The following ASPH variants were observed in gnomAD, a reference collection of about 807,000 sequenced individuals.
ASPH encodes aspartyl/asparaginyl beta-hydroxylase.
ASPH carries 100 observed loss-of-function variants against 118.4 expected under a neutral mutation model. The ratio of observed to expected loss-of-function variants is 0.84; its 90% CI spans 0.72 to 1.00. The LOEUF (loss-of-function observed/expected upper bound fraction) is 1.00. Ranked by LOEUF, ASPH falls within the 50% of genes least tolerant of loss-of-function variation. The pLI is 0.00. For missense variants in ASPH, 920 were observed against 919.5 expected (o/e 1.00, Z -0.01); for synonymous variants, 315 against 325.6 (o/e 0.97, Z 0.35).
chr8:61,681,030 AG>A lies in ASPH; in HGVS notation c.259del (p.Leu87Ter). On this transcript the variant is annotated frameshift_variant, in exon 3 of 25. Coordinates refer to ENST00000379454, the MANE Select transcript of ASPH (RefSeq NM_004318.4). LOFTEE classifies it high-confidence loss of function. ...ATCACCATCAGCATCATAGATTCCT[AG>A]TTTTCCTATAATAGGGCAGAAATGA... ...LVDYEEVLGKLGIYDADGDGD... is the reference protein window; with the variant it reads ...LVDYEEVLGKXGIYDADGDGD... 1 of 1,597,254 alleles carries A rather than the reference AG, an allele frequency of 6.3e-7. No homozygotes were observed. Among genetic ancestry groups the A allele is most frequent in the Non-Finnish European group, 8.5e-7 (1 of 1,171,842 alleles).
Position 61,559,946 on chromosome 8 carries a change from G to A in ASPH, c.1437+2798C>T, listed in dbSNP as rs36005193. Among the ~76,000 whole-genome samples, 76 of 152,180 alleles carry A rather than the reference G, an allele frequency of 5.0e-4. No homozygotes were observed. The East Asian group carries it at 0.011, about 23-fold the overall frequency. On this transcript the variant is annotated intron_variant, in intron 18 of 24. Transcript: ENST00000379454. Reference sequence around the variant, plus strand: ...GTTTTAGTGTTGGTGAGGGTTGGGGGGGGGAGCAAGCTAGGACAGGATAAA... The same window carrying A: ...GTTTTAGTGTTGGTGAGGGTTGGGGAGGGGAGCAAGCTAGGACAGGATAAA...
At chr8:61,609,024 G>A (rs1019766192) in intron 14 of ASPH, among the ~76,000 whole-genome samples, 9 of 152,104 alleles carry the variant, frequency 5.9e-5, no homozygotes, top group East Asian at 5.8e-4. Context: ...TTAATTATCC[G>A]TACATTAGCT....
chr8:61,568,151 T>C (rs1563850391), intron 16 of ASPH, among the ~76,000 whole-genome samples: 1 of 152,072 alleles, frequency 6.6e-6, no homozygotes, highest in African/African-American at 2.4e-5. Flanking sequence ...ATGGGGGCTT[T>C]TGAAATGATC....
intron 1 of ASPH, among the ~76,000 whole-genome samples, chr8:61,700,233 G>C (rs1834913842): frequency 6.6e-6 from 1 of 152,188 alleles, no homozygotes; most frequent in South Asian, 2.1e-4. Flanking sequence ...AACCATGCCA[G>C]TCAATCTTAT....
chr8:61,570,516 T>G (rs1370180345), intron 16 of ASPH, among the ~76,000 whole-genome samples: 4 of 152,186 alleles, frequency 2.6e-5, no homozygotes. Context: ...GGGAGAGAGA[T>G]AGTATAATCT....
At chr8:61,543,777 G>A (rs1469668867) in intron 21 of ASPH, among the ~76,000 whole-genome samples, 1 of 152,118 alleles carries the variant, frequency 6.6e-6, no homozygotes, top group East Asian at 1.9e-4. Context: ...CATAAAATTC[G>A]TTGTTGTTCA....
At chr8:61,673,897 T>C (rs1186245969) in intron 3 of ASPH, among the ~76,000 whole-genome samples, 1 of 152,110 alleles carries the variant, frequency 6.6e-6, no homozygotes. Context: ...GCTACCTGGG[T>C]GTCACCTTCA....
At chr8:61,594,021 A>G (rs1460439689) in intron 14 of ASPH, among the ~76,000 whole-genome samples, 1 of 152,228 alleles carries the variant, frequency 6.6e-6, no homozygotes, top group Non-Finnish European at 1.5e-5. Flanking sequence ...ATACAAGCTG[A>G]CAGACTGAAA....
In ASPH at chr8:61,583,942, A is replaced by C; in HGVS notation, c.1062+2T>G. 6.4e-7 allele frequency: 1 copy of C among 1,565,446 alleles called. No homozygotes were observed. Among genetic ancestry groups the C allele is most frequent in the Non-Finnish European group, 8.7e-7 (1 of 1,149,984 alleles). ...ACCATTGCACAAAAAATATCAACCTACCCTTTTACGGAGTTTTTCTGCAGC... is the reference window on the plus strand; with the variant it reads ...ACCATTGCACAAAAAATATCAACCTCCCCTTTTACGGAGTTTTTCTGCAGC... On this transcript the variant is annotated splice_donor_variant, in intron 15 of 24. Transcript: ENST00000379454. LOFTEE classifies it high-confidence loss of function.
At chr8:61,530,870 T>C (rs959154352) in intron 21 of ASPH, among the ~76,000 whole-genome samples, 7 of 152,238 alleles carry the variant, frequency 4.6e-5, no homozygotes, top group East Asian at 3.8e-4. Context: ...GCCTGTTATA[T>C]TGCTATTCTT....
At chr8:61,643,149 A>G (rs535245669) in intron 9 of ASPH, among the ~76,000 whole-genome samples, 1 of 152,330 alleles carries the variant, frequency 6.6e-6, no homozygotes, top group South Asian at 2.1e-4. Context: ...TGATACACAA[A>G]AACAGCATTA....
At chr8:61,550,217 A>T (rs914225365) in intron 20 of ASPH, among the ~76,000 whole-genome samples, 1 of 152,126 alleles carries the variant, frequency 6.6e-6, no homozygotes, top group Non-Finnish European at 1.5e-5. Context: ...AAAATCAAAG[A>T]TCAAGTTAGA....
chr8:61,589,272 C>CA (rs1563934356), intron 14 of ASPH, among the ~76,000 whole-genome samples: 1 of 151,906 alleles, frequency 6.6e-6, no homozygotes, highest in Non-Finnish European at 1.5e-5. Context: ...TGACTTTTAA[C>CA]AAAAAAAGTT....
chr8:61,528,309 T>A (rs1207547055), intron 21 of ASPH, among the ~76,000 whole-genome samples: 1 of 152,044 alleles, frequency 6.6e-6, no homozygotes, highest in Non-Finnish European at 1.5e-5. Flanking sequence ...AAGAAAAAAA[T>A]GCACCCTAGG....
chr8:61,518,365 G>A (rs1181216313), intron 22 of ASPH, among the ~76,000 whole-genome samples: 1 of 152,030 alleles, frequency 6.6e-6, no homozygotes, highest in Non-Finnish European at 1.5e-5. Flanking sequence ...TTCTTCACTC[G>A]GTGTTGGACT....
At position 61,642,871 on chromosome 8, in the gene ASPH, A is replaced by G. The variant is rs748758685; in HGVS notation, c.790+17T>C. On this transcript the variant is annotated intron_variant, in intron 10 of 24. Transcript: ENST00000379454. ...AAAAAAAAAAAGAAAAAAAAAAAAA[A>G]GAAAGCATTTGCAAACCTTGTTCCT... The G allele has an allele frequency of 3.0e-5, 47 of 1,542,738 alleles. No individual in the cohort carries two copies. The highest frequency in any genetic ancestry group is 3.9e-5 in the Non-Finnish European group (45 of 1,150,674).
chr8:61,674,622 T>C (rs1824338979), intron 3 of ASPH, among the ~76,000 whole-genome samples: 1 of 152,156 alleles, frequency 6.6e-6, no homozygotes, highest in South Asian at 2.1e-4. Flanking sequence ...CTGACACAGG[T>C]AAATGGTGGG....
intron 3 of ASPH, among the ~76,000 whole-genome samples, chr8:61,676,654 G>C (rs1825544575): frequency 6.6e-6 from 1 of 152,016 alleles, no homozygotes; most frequent in African/African-American, 2.4e-5. Context: ...GACAGTAAAA[G>C]GAAGAGTGAG....
intron 23 of ASPH, 48 bp downstream of exon 23, chr8:61,517,984 T>G: frequency 6.5e-7 from 1 of 1,549,602 alleles, no homozygotes; most frequent in Non-Finnish European, 8.9e-7. Flanking sequence ...AACACGCCCT[T>G]ATTCCTAACA....
Sources: gnomAD v4.1 joint callset for allele counts (sites outside exome capture counted in the v4.1 genomes callset) on GRCh38, gnomAD v4.1.1 for gene constraint, MANE v1.5 for transcripts, NCBI Gene and HGNC (gene_info 2026-07-23, HGNC 2026-07-21) for gene names.